Variants in OPA1 observed in about 807,000 individuals in gnomAD.
OPA1 encodes dynamin-like GTPase OPA1, mitochondrial.
OPA1 carries 59 observed loss-of-function variants against 152.9 expected under a neutral mutation model. The observed-to-expected ratio is 0.39, with a 90% CI of 0.31 to 0.48. OPA1 has a LOEUF of 0.48. OPA1 is among the 20% of genes least tolerant of loss of function. The pLI, the probability that OPA1 is intolerant of heterozygous loss-of-function variation, is 0.96. For synonymous variants in OPA1, 400 were observed against 389.9 expected (o/e 1.03, Z -0.31); for missense variants, 1,008 against 1,216.8 (o/e 0.83, Z 2.55).
intron 21 of OPA1, among the ~76,000 whole-genome samples, chr3:193,651,853 T>C (rs968488899): frequency 4.6e-5 from 7 of 152,116 alleles, no homozygotes; most frequent in African/African-American, 1.7e-4. Context: ...ACTTCTTACA[T>C]TTTCTGTATT....
At chr3:193,638,264 A>C (rs935270801) in intron 11 of OPA1, among the ~76,000 whole-genome samples, 199 bp downstream of exon 11, 1 of 152,206 alleles carries the variant, frequency 6.6e-6, no homozygotes, top group Non-Finnish European at 1.5e-5. Flanking sequence ...GGAGAGTGGT[A>C]GGAGAGGATG....
chr3:193,617,112 C>T, intron 3 of OPA1, 66 bp from the exon 4 acceptor site: 2 of 982,616 alleles, frequency 2.0e-6, no homozygotes, highest in Non-Finnish European at 3.3e-6. Context: ...TACTTTAGCC[C>T]TTTATAAGAA....
rs371997432 is a variant in OPA1 at position 193,597,487 on chromosome 3, T to TC, written c.32+4079dup. 4.5e-3 allele frequency among the ~76,000 whole-genome samples: 690 copies of TC among 152,142 alleles called. 3 individuals are homozygous for TC. Among genetic ancestry groups the TC allele is most frequent in the African/African-American group, 0.016 (661 of 41,504 alleles). On this transcript the variant is annotated intron_variant, in intron 1 of 30. Transcript: ENST00000361510. ...GGGCGGATCACCTGAGGTTAGGAGT[T>TC]CGAGACCAGCCTGGCCAACATGGTG...
chr3:193,595,430 A>G (rs1005242953), intron 1 of OPA1, among the ~76,000 whole-genome samples: 5 of 152,236 alleles, frequency 3.3e-5, no homozygotes, highest in Non-Finnish European at 7.3e-5. Flanking sequence ...TTCTGGGGGA[A>G]ACCTATTTTG....
At chr3:193,667,616 A>G in intron 29 of OPA1, among the ~76,000 whole-genome samples, 1 of 146,658 alleles carries the variant, frequency 6.8e-6, no homozygotes, top group East Asian at 2.0e-4. Context: ...GCTTGCGGTG[A>G]GCCAAGATCC....
chr3:193,606,823 A>G (rs903129955), intron 1 of OPA1, among the ~76,000 whole-genome samples: 1 of 152,178 alleles, frequency 6.6e-6, no homozygotes, highest in African/African-American at 2.4e-5. Flanking sequence ...CTAGTTCTAG[A>G]TCCCTGAGGA....
Position 193,654,846 on chromosome 3 carries a change from T to C in OPA1, c.2013-16T>C. 1 of 1,612,604 alleles carries C rather than the reference T, an allele frequency of 6.2e-7. No individual in the cohort carries two copies. Among genetic ancestry groups the C allele is most frequent in the Non-Finnish European group, 8.5e-7 (1 of 1,179,086 alleles). On this transcript the variant is annotated splice_polypyrimidine_tract_variant and intron_variant, in intron 21 of 30. Coordinates refer to ENST00000361510, the MANE Select transcript of OPA1 (RefSeq NM_130837.3). ...TTATATTTAGATTTGGTGCTTTTGA[T>C]ACTTTTTTATTTCAGGGAGGAAATC... is the stretch of plus-strand genomic sequence containing the variant.
intron 6 of OPA1, among the ~76,000 whole-genome samples, chr3:193,624,942 T>G (rs1730818272): frequency 6.6e-6 from 1 of 152,196 alleles, no homozygotes; most frequent in Non-Finnish European, 1.5e-5. Flanking sequence ...TAAATACCCA[T>G]TTTCCTCTTT....
At chr3:193,645,925 C>A in intron 18 of OPA1, 125 bp downstream of exon 18, 1 of 808,818 alleles carries the variant, frequency 1.2e-6, no homozygotes, top group Non-Finnish European at 2.0e-6. Flanking sequence ...GAATTTTTCC[C>A]AAATAGTGAA....
At chr3:193,688,206 C>T (rs987652465) in intron 29 of OPA1, among the ~76,000 whole-genome samples, 8 of 152,000 alleles carry the variant, frequency 5.3e-5, no homozygotes, top group Non-Finnish European at 1.2e-4. Flanking sequence ...ATTGATTGAC[C>T]GTACGCAGTG....
chr3:193,618,773 T>G, intron 5 of OPA1, 96 bp from the exon 6 acceptor site: 8 of 980,588 alleles, frequency 8.2e-6, no homozygotes, highest in Non-Finnish European at 1.3e-5. Flanking sequence ...GCTCTAAAAA[T>G]CCATTCACCT....
chr3:193,602,921 G>C (rs1455233954), intron 1 of OPA1, among the ~76,000 whole-genome samples: 1 of 152,202 alleles, frequency 6.6e-6, no homozygotes, highest in Non-Finnish European at 1.5e-5. Flanking sequence ...TATCCAACCA[G>C]AAAACATGCA....
chr3:193,596,351 C>CTTAATTTTA (rs1199731758), intron 1 of OPA1, among the ~76,000 whole-genome samples: 8 of 137,712 alleles, frequency 5.8e-5, no homozygotes, highest in South Asian at 4.8e-4. Flanking sequence ...CTTTTCTTTT[C>CTTAATTTTA]TTTTCTTTTC....
At position 193,642,752 on chromosome 3, in the gene OPA1, C is replaced by A; in HGVS notation, c.1150-13C>A. 6.3e-7 allele frequency: 1 copy of A among 1,583,778 alleles called. No homozygotes were observed. Among genetic ancestry groups the A allele is most frequent in the Non-Finnish European group, 8.7e-7 (1 of 1,152,762 alleles). On this transcript the variant is annotated splice_polypyrimidine_tract_variant and intron_variant, in intron 11 of 30. Transcript: ENST00000361510. ...AAATACATCATTACCTCTCAGTTTT[C>A]TGTTACTATCAGGTGACTCTGAGTG...
At chr3:193,683,959 G>A (rs1720564927) in intron 29 of OPA1, among the ~76,000 whole-genome samples, 1 of 152,162 alleles carries the variant, frequency 6.6e-6, no homozygotes, top group Non-Finnish European at 1.5e-5. Flanking sequence ...GAGGTAAGCT[G>A]CAAATTTAGC....
At chr3:193,605,669 T>A (rs1727146002) in intron 1 of OPA1, among the ~76,000 whole-genome samples, 1 of 152,224 alleles carries the variant, frequency 6.6e-6, no homozygotes, top group African/African-American at 2.4e-5. Flanking sequence ...GGAAAACTCT[T>A]AAGATTATTT....
intron 22 of OPA1, among the ~76,000 whole-genome samples, chr3:193,655,389 A>G (rs1341533568): frequency 6.6e-6 from 1 of 152,232 alleles, no homozygotes; most frequent in East Asian, 1.9e-4. Context: ...CCATAAAGAA[A>G]ATACTTAATA....
chr3:193,688,207 G>A lies in OPA1; in HGVS notation c.2984-3856G>A, dbSNP rs141420264. ...CAACTTCGTTTATCATTGATTGACC[G>A]TACGCAGTGATCAGGCCTTGTTCTA... On this transcript the variant is annotated intron_variant, in intron 29 of 30. Coordinates refer to ENST00000361510, the MANE Select transcript of OPA1 (RefSeq NM_130837.3). 3.8e-3 allele frequency among the ~76,000 whole-genome samples: 579 copies of A among 152,104 alleles called. 15 individuals are homozygous for A. The highest frequency in any genetic ancestry group is 0.035 in the Admixed American group (532 of 15,274).
intron 25 of OPA1, 152 bp downstream of exon 25, chr3:193,659,713 A>G: frequency 3.0e-6 from 2 of 673,406 alleles, no homozygotes; most frequent in South Asian, 4.1e-5. Flanking sequence ...AATCTTTAGA[A>G]TAAAGAATAA....
Sources: gnomAD v4.1 joint callset for allele counts (sites outside exome capture counted in the v4.1 genomes callset) on GRCh38, gnomAD v4.1.1 for gene constraint, MANE v1.5 for transcripts, NCBI Gene and HGNC (gene_info 2026-07-23, HGNC 2026-07-21) for gene names.